The following MDFI variants were observed in gnomAD, a reference collection of about 807,000 sequenced individuals.
The protein encoded by MDFI is inhibitor of MyoD family a.
A neutral mutation model predicts 22.3 loss-of-function variants in MDFI; 16 were observed. The observed-to-expected ratio is 0.72, with a 90% CI of 0.49 to 1.09. The LOEUF (loss-of-function observed/expected upper bound fraction) is 1.09. Among genes scored for constraint, MDFI ranks in the 50% least tolerant of loss-of-function variants. MDFI has a pLI of 0.00. For synonymous variants in MDFI, 145 were observed against 142.7 expected, an observed-to-expected ratio of 1.02 and a Z score of -0.12; for missense variants, 314 against 326.1, an observed-to-expected ratio of 0.96 and a Z score of 0.29.
At chr6:41,643,426 G>A (rs538356408) in intron 2 of MDFI, among the ~76,000 whole-genome samples, 9 of 152,178 alleles carry the variant, frequency 5.9e-5, no homozygotes, top group South Asian at 4.2e-4. Flanking sequence ...CGAGAACTCC[G>A]AGGCAGTGAG....
intron 2 of MDFI, among the ~76,000 whole-genome samples, chr6:41,645,872 C>T (rs1768031092): frequency 1.3e-5 from 2 of 152,164 alleles, no homozygotes; most frequent in South Asian, 2.1e-4. Flanking sequence ...CCATCTCTGC[C>T]CCTCCCGACA....
At position 41,653,551 on chromosome 6, in the gene MDFI, C is replaced by A; in HGVS notation, c.717C>A (p.Cys239Ter). The change falls in exon 5 of 5, where the codon TGC becomes TGA. Residue 239 changes from cysteine to a stop codon, truncating the protein, a stop_gained. Transcript: ENST00000230321. LOFTEE classifies it high-confidence loss of function. This position sits in a 1 kb window ranked among gnomAD's most constrained non-coding sequence, Gnocchi z 4.2. ...SADCLEICMECCGLCFSS is the reference protein window; with the variant it reads ...SADCLEICME ...ACTGCCTGGAGATCTGCATGGAGTGCTGTGGGCTCTGCTTCTCCTCCTGAG... is the reference window on the plus strand; with the variant it reads ...ACTGCCTGGAGATCTGCATGGAGTGATGTGGGCTCTGCTTCTCCTCCTGAG... The A allele has an allele frequency of 6.2e-7, 1 of 1,600,760 alleles. No individual in the cohort carries two copies. Among genetic ancestry groups the A allele is most frequent in the Non-Finnish European group, 8.5e-7 (1 of 1,179,950 alleles).
At chr6:41,643,649 T>C (rs1767943736) in intron 2 of MDFI, among the ~76,000 whole-genome samples, 1 of 130,178 alleles carries the variant, frequency 7.7e-6, no homozygotes, top group Non-Finnish European at 1.6e-5. Flanking sequence ...AAACTACTCA[T>C]TAAAAAAAAA....
chr6:41,640,492 C>T (rs561756359), intron 2 of MDFI, among the ~76,000 whole-genome samples: 3 of 152,306 alleles, frequency 2.0e-5, no homozygotes, highest in African/African-American at 4.8e-5. Flanking sequence ...CCAGACAATG[C>T]GGCTTTCATA....
rs766606098 is a variant in MDFI, at chr6:41,653,396, A to G, written c.562A>G (p.Thr188Ala). 6.2e-6 allele frequency: 10 copies of G among 1,611,014 alleles called. No individual in the cohort carries two copies. In the South Asian group the frequency reaches 1.1e-4, roughly 18 times the overall value. Residue 188 changes from threonine to alanine, a missense_variant, in exon 5 of 5, where the codon ACC becomes GCC. Transcript: ENST00000230321. This position sits in a 1 kb window ranked among gnomAD's most constrained non-coding sequence, Gnocchi z 4.2. ...TLCNIVLDCA[T>A]CGSCSSEDSC... ...GTGCAACATCGTCCTGGACTGCGCC[A>G]CCTGTGGCTCCTGCAGCTCGGAGGA...
chr6:41,649,151 T>C (rs953269077), intron 3 of MDFI, among the ~76,000 whole-genome samples: 13 of 152,148 alleles, frequency 8.5e-5, no homozygotes, highest in Non-Finnish European at 1.6e-4. Flanking sequence ...TTCCAATAAA[T>C]CACCCAGTGC....
chr6:41,640,892 G>A (rs1036532685), intron 2 of MDFI, among the ~76,000 whole-genome samples: 1 of 152,260 alleles, frequency 6.6e-6, no homozygotes, highest in African/African-American at 2.4e-5. Flanking sequence ...CAGCATTGGG[G>A]CGTCACATTC....
chr6:41,645,539 C>T (rs888409359), intron 2 of MDFI, among the ~76,000 whole-genome samples: 3 of 152,132 alleles, frequency 2.0e-5, no homozygotes, highest in South Asian at 2.1e-4. Context: ...CGTCTCCCTC[C>T]GCGCTCTGTA....
intron 2 of MDFI, among the ~76,000 whole-genome samples, chr6:41,643,650 TA>T (rs200900866): frequency 1.3e-4 from 17 of 130,160 alleles, no homozygotes; most frequent in South Asian, 2.4e-4. Flanking sequence ...AACTACTCAT[TA>T]AAAAAAAAAG....
intron 2 of MDFI, chr6:41,639,223 C>T (rs939826973): frequency 2.0e-4 from 198 of 985,176 alleles, no homozygotes; most frequent in Non-Finnish European, 2.3e-4. Flanking sequence ...GAATCTTTCT[C>T]TACTTCCCTT....
chr6:41,647,223 G>T (rs1306105463), intron 3 of MDFI, among the ~76,000 whole-genome samples: 1 of 152,216 alleles, frequency 6.6e-6, no homozygotes, highest in Non-Finnish European at 1.5e-5. Flanking sequence ...TGGCAGTGGA[G>T]GAGGGGGTCT....
In MDFI at chr6:41,649,055, C is replaced by T. The variant is rs139713539; in HGVS notation, c.260-564C>T. Among the ~76,000 whole-genome samples, 627 of 152,286 alleles carry T rather than the reference C, an allele frequency of 4.1e-3. 1 individual carries two copies. The highest frequency in any genetic ancestry group is 0.013 in the African/African-American group (559 of 41,554). On this transcript the variant is annotated intron_variant, in intron 3 of 4. Coordinates refer to ENST00000230321, the MANE Select transcript of MDFI (RefSeq NM_005586.4). ...CGGAGGGCAGAGGCTTGAGTGGAGG[C>T]ACCAGGTGGAAGGAGCAGGAGGTAG...
rs371321653 is a variant in MDFI, at chr6:41,649,852, C to T, written c.484+9C>T. ...CCTCCAGGCACAGGAAGGTAAGCACCCATCCCATCTCTCCCTGGGAGAGGC... is the reference window on the plus strand; with the variant it reads ...CCTCCAGGCACAGGAAGGTAAGCACTCATCCCATCTCTCCCTGGGAGAGGC... On this transcript the variant is annotated intron_variant, in intron 4 of 4. Coordinates refer to ENST00000230321, the MANE Select transcript of MDFI (RefSeq NM_005586.4). 10 of 1,610,790 alleles carry T rather than the reference C, an allele frequency of 6.2e-6. No individual in the cohort carries two copies. The highest frequency in any genetic ancestry group is 8.5e-6 in the Non-Finnish European group (10 of 1,178,282).
chr6:41,650,077 G>T (rs1041511376), intron 4 of MDFI: 3 of 498,396 alleles, frequency 6.0e-6, no homozygotes, highest in African/African-American at 3.9e-5. Flanking sequence ...TTGGGTAAAG[G>T]TGTACCTGCC....
chr6:41,638,660 G>T lies in MDFI; in HGVS notation c.-12+8G>T. 5 of 1,383,188 alleles carry T rather than the reference G, an allele frequency of 3.6e-6. No individual in the cohort carries two copies. The highest frequency in any genetic ancestry group is 4.9e-6 in the Non-Finnish European group (5 of 1,012,722). The allele number at this position is 1,383,188 out of a possible 1,614,324, so 85.7% of individuals were successfully genotyped here. ...GTAGCACGGCTCGCACGAGTGAGTG[G>T]ACGTGGGAGGCGCGCATCTGCGGGG... On this transcript the variant is annotated splice_region_variant and intron_variant, in intron 1 of 4. Transcript: ENST00000230321. This position sits in a 1 kb window ranked among gnomAD's most constrained non-coding sequence, Gnocchi z 7.6.
intron 2 of MDFI, among the ~76,000 whole-genome samples, chr6:41,642,281 G>A (rs1441365733): frequency 6.6e-6 from 1 of 152,128 alleles, no homozygotes; most frequent in African/African-American, 2.4e-5. Context: ...CACCCCCTTG[G>A]CAGGCACCTT....
rs142295394 is a variant in MDFI at position 41,649,409 on chromosome 6, G to A, written c.260-210G>A. 8.2e-3 allele frequency among the ~76,000 whole-genome samples: 1,248 copies of A among 152,314 alleles called. 11 individuals carry two copies. Among genetic ancestry groups the A allele is most frequent in the African/African-American group, 0.026 (1,078 of 41,556 alleles). On this transcript the variant is annotated intron_variant, in intron 3 of 4. Coordinates refer to ENST00000230321, the MANE Select transcript of MDFI (RefSeq NM_005586.4). Reference sequence around the variant, plus strand: ...TTCTGGACTGAGCACTGAACTGAGAGTCAGGAGCTAGGCCCAACTCAATTT... The same window carrying A: ...TTCTGGACTGAGCACTGAACTGAGAATCAGGAGCTAGGCCCAACTCAATTT...
intron 3 of MDFI, among the ~76,000 whole-genome samples, chr6:41,646,654 G>A (rs1030906465): frequency 6.6e-6 from 1 of 152,138 alleles, no homozygotes; most frequent in Non-Finnish European, 1.5e-5. Context: ...CCATCCTTCC[G>A]GGAATCAGGG....
intron 2 of MDFI, among the ~76,000 whole-genome samples, chr6:41,641,788 CT>C (rs764782874): frequency 3.3e-5 from 5 of 152,174 alleles, no homozygotes; most frequent in Non-Finnish European, 5.9e-5. Flanking sequence ...GATTTTTTGG[CT>C]GAAACTCCCA....
Sources: gnomAD v4.1 joint callset for allele counts (sites outside exome capture counted in the v4.1 genomes callset) on GRCh38, gnomAD v4.1.1 for gene constraint, Gnocchi (gnomAD v3.1) non-coding constraint, MANE v1.5 for transcripts, NCBI Gene and HGNC (gene_info 2026-07-23, HGNC 2026-07-21) for gene names.